Variants in TTLL11 observed in about 807,000 individuals in gnomAD.
TTLL11 encodes tubulin polyglutamylase TTLL11.
Under a neutral mutation model 51.7 loss-of-function variants are expected in TTLL11, and 42 were observed. That is an observed-to-expected ratio of 0.81 (90% CI 0.64 to 1.05). TTLL11 has a LOEUF of 1.05. Among genes scored for constraint, TTLL11 ranks in the 50% least tolerant of loss-of-function variants. TTLL11 has a pLI of 0.00. For synonymous variants in TTLL11, 381 were observed against 383.5 expected (o/e 0.99, Z 0.08); for missense variants, 799 against 940.4 (o/e 0.85, Z 1.97).
At chr9:121,988,431 C>T (rs1842993486) in intron 4 of TTLL11, among the ~76,000 whole-genome samples, 1 of 152,030 alleles carries the variant, frequency 6.6e-6, no homozygotes, top group Non-Finnish European at 1.5e-5. Flanking sequence ...CCTCATCTCC[C>T]CCGCATCTCT....
At chr9:122,051,230 A>G (rs1241817788) in intron 1 of TTLL11, among the ~76,000 whole-genome samples, 1 of 152,198 alleles carries the variant, frequency 6.6e-6, no homozygotes, top group East Asian at 1.9e-4. Flanking sequence ...CCCATTGCTA[A>G]TAAGTGACAA....
At chr9:121,927,285 G>A (rs139948291) in intron 6 of TTLL11, among the ~76,000 whole-genome samples, 3 of 152,130 alleles carry the variant, frequency 2.0e-5, no homozygotes, top group South Asian at 4.1e-4. Context: ...GACACATAGC[G>A]CATGCGCTGT....
chr9:121,870,226 C>T (rs971255935), intron 7 of TTLL11, among the ~76,000 whole-genome samples: 2 of 152,130 alleles, frequency 1.3e-5, no homozygotes, highest in Admixed American at 6.5e-5. Context: ...TATTAATATG[C>T]GTTTTCAGGA....
intron 7 of TTLL11, among the ~76,000 whole-genome samples, chr9:121,863,936 G>C (rs1404789133): frequency 1.3e-5 from 2 of 152,154 alleles, no homozygotes; most frequent in African/African-American, 4.8e-5. Flanking sequence ...GCTGCAGGAG[G>C]GATTCAGGAA....
chr9:121,940,817 C>T (rs755941487), intron 6 of TTLL11, among the ~76,000 whole-genome samples: 10 of 152,166 alleles, frequency 6.6e-5, no homozygotes, highest in Admixed American at 2.6e-4. Flanking sequence ...TTCATATAAA[C>T]TGGAAATATA....
At chr9:121,964,543 C>G (rs1001018534) in intron 6 of TTLL11, among the ~76,000 whole-genome samples, 1 of 152,188 alleles carries the variant, frequency 6.6e-6, no homozygotes, top group South Asian at 2.1e-4. Context: ...TGTGATCCAC[C>G]GCCTAGGCAT....
Position 122,031,866 on chromosome 9 carries a change from A to G in TTLL11, c.560-10T>C, listed in dbSNP as rs996057481. ...ACCATCTCCGTCATGCCTGGGGAGA[A>G]GAGACGCTGTGAGGTTTTAACAACA... On this transcript the variant is annotated splice_polypyrimidine_tract_variant and intron_variant, in intron 2 of 8. Transcript: ENST00000321582. 3.7e-6 allele frequency: 6 copies of G among 1,611,380 alleles called. No homozygotes were observed. Among genetic ancestry groups the G allele is most frequent in the Non-Finnish European group, 5.1e-6 (6 of 1,178,116 alleles).
intron 6 of TTLL11, among the ~76,000 whole-genome samples, chr9:121,922,708 C>T (rs1840586128): frequency 6.6e-6 from 1 of 151,588 alleles, no homozygotes; most frequent in Non-Finnish European, 1.5e-5. Context: ...GCCCCGTAAC[C>T]TAGTCATGTC....
At chr9:122,031,060 T>A (rs1182436072) in intron 3 of TTLL11, among the ~76,000 whole-genome samples, 2 of 152,232 alleles carry the variant, frequency 1.3e-5, no homozygotes, top group Admixed American at 1.3e-4. Context: ...GGTTGTATAG[T>A]CACCCCAGAG....
chr9:122,002,944 CAAA>C (rs547408355), intron 3 of TTLL11, among the ~76,000 whole-genome samples: 5 of 61,230 alleles, frequency 8.2e-5, no homozygotes, highest in Admixed American at 2.2e-4. Flanking sequence ...GACTCTGTCT[CAAA>C]AAAAAAAAAA....
At chr9:121,933,192 G>C (rs943267013) in intron 6 of TTLL11, among the ~76,000 whole-genome samples, 1 of 152,138 alleles carries the variant, frequency 6.6e-6, no homozygotes, top group African/African-American at 2.4e-5. Flanking sequence ...TGAAGGTAGA[G>C]AACATGTATG....
At position 121,853,375 on chromosome 9, in the gene TTLL11, C is replaced by T. The variant is rs999517180; in HGVS notation, c.1840+6962G>A. Among the ~76,000 whole-genome samples, 9 of 149,490 alleles carry T rather than the reference C, an allele frequency of 6.0e-5. No individual in the cohort carries two copies. Among genetic ancestry groups the T allele is most frequent in the East Asian group, 2.0e-4 (1 of 5,072 alleles). On this transcript the variant is annotated intron_variant, in intron 8 of 8. Coordinates refer to ENST00000321582, the MANE Select transcript of TTLL11 (RefSeq NM_001139442.2). The surrounding 1 kb of genome is among the most constrained non-coding windows in gnomAD (Gnocchi z 5.6). ...GCTGGGTGCTGCGGAGCAGGTGAGA[C>T]GGTACTGGGCCCAGCCTGAGCACTG... is the stretch of plus-strand genomic sequence containing the variant.
At chr9:121,993,775 CATT>C (rs1843177130) in intron 3 of TTLL11, among the ~76,000 whole-genome samples, 1 of 152,160 alleles carries the variant, frequency 6.6e-6, no homozygotes, top group African/African-American at 2.4e-5. Flanking sequence ...AGCCACAAAA[CATT>C]ATTAGCAATG....
intron 3 of TTLL11, among the ~76,000 whole-genome samples, chr9:122,017,472 CTTT>C (rs146107264): frequency 5.8e-4 from 74 of 127,778 alleles, no homozygotes; most frequent in Admixed American, 5.3e-3. Context: ...CAGGGTGAGG[CTTT>C]TTTTTTTTTT....
intron 2 of TTLL11, among the ~76,000 whole-genome samples, chr9:122,037,434 A>G (rs1438438455): frequency 6.6e-6 from 1 of 152,224 alleles, no homozygotes; most frequent in Non-Finnish European, 1.5e-5. Flanking sequence ...GTTCCCCTAG[A>G]AAACAATGAA....
At chr9:121,879,676 G>A (rs1364327056) in intron 6 of TTLL11, among the ~76,000 whole-genome samples, 1 of 152,120 alleles carries the variant, frequency 6.6e-6, no homozygotes, top group Non-Finnish European at 1.5e-5. Context: ...AAAAAAGAGT[G>A]AAGAAGAAGG....
intron 8 of TTLL11, among the ~76,000 whole-genome samples, chr9:121,838,808 G>T (rs1261083327): frequency 6.9e-6 from 1 of 145,788 alleles, no homozygotes; most frequent in Non-Finnish European, 1.5e-5. Context: ...AAGCAAGCAA[G>T]CAAGCAAGCA....
chr9:122,029,849 G>C (rs1157169883), intron 3 of TTLL11, among the ~76,000 whole-genome samples: 1 of 152,026 alleles, frequency 6.6e-6, no homozygotes, highest in Non-Finnish European at 1.5e-5. Context: ...TCCATTCATG[G>C]GAAGTATCCT....
Position 121,994,397 on chromosome 9 carries a change from C to T in TTLL11, c.694-4627G>A, listed in dbSNP as rs147579331. ...CCACGAATAATAATAATAACATTAG[C>T]ACACGCTTACTGAGCACTTATTATG... On this transcript the variant is annotated intron_variant, in intron 3 of 8. Coordinates refer to ENST00000321582, the MANE Select transcript of TTLL11 (RefSeq NM_001139442.2). Among the ~76,000 whole-genome samples, 14 of 152,286 alleles carry T rather than the reference C, an allele frequency of 9.2e-5. No individual in the cohort carries two copies. The East Asian group carries it at 2.5e-3, about 27-fold the overall frequency.
Sources: gnomAD v4.1 joint callset for allele counts (sites outside exome capture counted in the v4.1 genomes callset) on GRCh38, gnomAD v4.1.1 for gene constraint, Gnocchi (gnomAD v3.1) non-coding constraint, MANE v1.5 for transcripts, NCBI Gene and HGNC (gene_info 2026-07-23, HGNC 2026-07-21) for gene names.